Variants in CATSPERE observed in about 807,000 individuals in gnomAD.
The protein encoded by CATSPERE is cation channel sperm-associated auxiliary subunit epsilon.
In CATSPERE, 93 loss-of-function variants were observed where a neutral mutation model predicts 114.1. The ratio of observed to expected loss-of-function variants is 0.81; its 90% CI spans 0.69 to 0.97. CATSPERE has a LOEUF of 0.97. CATSPERE is among the 50% of genes least tolerant of loss of function. The pLI, the probability that CATSPERE is intolerant of heterozygous loss-of-function variation, is 0.00. For synonymous variants in CATSPERE, 341 were observed against 384.1 expected, an observed-to-expected ratio of 0.89 and a Z score of 1.31; for missense variants, 1,058 against 1,131.6, an observed-to-expected ratio of 0.93 and a Z score of 0.93.
chr1:244,500,324 G>T (rs1004495007), intron 7 of CATSPERE, among the ~76,000 whole-genome samples: 1 of 152,022 alleles, frequency 6.6e-6, no homozygotes, highest in Non-Finnish European at 1.5e-5. Flanking sequence ...AGTTTCTTTT[G>T]CTCCGCAGAA....
At chr1:244,638,820 A>G (rs1249809243) in intron 21 of CATSPERE, among the ~76,000 whole-genome samples, 2 of 152,180 alleles carry the variant, frequency 1.3e-5, no homozygotes, top group Non-Finnish European at 2.9e-5. Context: ...TATAACTTCT[A>G]CATGTATCTT....
At chr1:244,510,864 A>T (rs1675631567) in intron 7 of CATSPERE, among the ~76,000 whole-genome samples, 2 of 54,840 alleles carry the variant, frequency 3.6e-5, no homozygotes, top group East Asian at 4.4e-4. Flanking sequence ...TTTTTTTGAG[A>T]CAGAATTTCG....
At chr1:244,592,833 A>G (rs1398593358) in intron 15 of CATSPERE, among the ~76,000 whole-genome samples, 1 of 152,222 alleles carries the variant, frequency 6.6e-6, no homozygotes, top group Non-Finnish European at 1.5e-5. Flanking sequence ...TGTCCCCTGC[A>G]ACGTGGTAAC....
intron 10 of CATSPERE, 39 bp from the exon 11 acceptor site, chr1:244,572,290 TG>T: frequency 2.0e-6 from 2 of 978,474 alleles, no homozygotes; most frequent in Non-Finnish European, 3.0e-6. Context: ...GCACGATTTA[TG>T]GTTACTTAGA....
intron 7 of CATSPERE, among the ~76,000 whole-genome samples, chr1:244,512,656 C>CTTGCACAGATACCAA (rs1212957125): frequency 6.6e-6 from 1 of 152,060 alleles, no homozygotes. Flanking sequence ...TTTCTTGTGT[C>CTTGCACAGATACCAA]TTGCACAGAT....
At chr1:244,621,015 TA>T (rs1672029673) in intron 20 of CATSPERE, among the ~76,000 whole-genome samples, 1 of 111,158 alleles carries the variant, frequency 9.0e-6, no homozygotes, top group East Asian at 2.3e-4. Flanking sequence ...TATATATATA[TA>T]AAATATATAT....
chr1:244,610,754 C>CTTT (rs56253016), intron 19 of CATSPERE, among the ~76,000 whole-genome samples: 6,811 of 136,320 alleles, frequency 0.05, 578 homozygotes, highest in African/African-American at 0.18. Flanking sequence ...ATTTTCTTTC[C>CTTT]TTTTTTTTTT....
intron 10 of CATSPERE, among the ~76,000 whole-genome samples, chr1:244,569,400 T>A (rs1464894494): frequency 6.6e-6 from 1 of 152,210 alleles, no homozygotes; most frequent in African/African-American, 2.4e-5. Flanking sequence ...AACTCCCCCT[T>A]TTCTGTGAAT....
upstream of CATSPERE, among the ~76,000 whole-genome samples, chr1:244,452,658 T>C (rs527745424): frequency 5.9e-5 from 9 of 152,364 alleles, no homozygotes; most frequent in East Asian, 1.7e-3. Flanking sequence ...CATGCACTTC[T>C]TTATTTTTTA....
chr1:244,452,038 G>C (rs1046612461), upstream of CATSPERE: 9 of 399,276 alleles, frequency 2.3e-5, no homozygotes, highest in South Asian at 4.9e-4. Flanking sequence ...GGCCGGCCTC[G>C]GCAGCACCGC....
intron 8 of CATSPERE, among the ~76,000 whole-genome samples, chr1:244,524,582 C>T (rs888294937): frequency 3.2e-4 from 48 of 152,020 alleles, no homozygotes; most frequent in African/African-American, 9.9e-4. Flanking sequence ...TTTTCACAAC[C>T]TACTCATCTG....
chr1:244,461,321 C>A lies in CATSPERE; in HGVS notation c.-109C>A. 2 of 955,094 alleles carry A rather than the reference C, an allele frequency of 2.1e-6. No individual in the cohort carries two copies. Among genetic ancestry groups the A allele is most frequent in the Non-Finnish European group, 2.8e-6 (2 of 722,394 alleles). 59.2% of individuals were successfully genotyped at this position (955,094 alleles called of 1,614,324 possible). ...AGGCCCGGCCCGCCCTGTCCAGAGGCGCCGGGACCCAGGCGCCTGCAGCCG... is the reference window on the plus strand; with the variant it reads ...AGGCCCGGCCCGCCCTGTCCAGAGGAGCCGGGACCCAGGCGCCTGCAGCCG... On this transcript the variant is annotated 5_prime_UTR_variant, in exon 1 of 22. Coordinates refer to ENST00000366534, the MANE Select transcript of CATSPERE (RefSeq NM_001130957.2).
At chr1:244,520,052 T>C (rs370382767) in intron 8 of CATSPERE, among the ~76,000 whole-genome samples, 5 of 152,332 alleles carry the variant, frequency 3.3e-5, no homozygotes, top group Admixed American at 6.5e-5. Context: ...TTATCAAACA[T>C]GATTTACAAG....
chr1:244,602,402 A>T (rs1369322962), intron 17 of CATSPERE, among the ~76,000 whole-genome samples: 1 of 152,190 alleles, frequency 6.6e-6, no homozygotes, highest in Non-Finnish European at 1.5e-5. Context: ...AGCTTTGAGA[A>T]TCAGCGGCAG....
At chr1:244,576,664 A>T (rs1202459542) in intron 11 of CATSPERE, among the ~76,000 whole-genome samples, 6 of 152,054 alleles carry the variant, frequency 3.9e-5, no homozygotes, top group Non-Finnish European at 2.9e-5. Context: ...AATTAATATC[A>T]TAATGTGAGC....
intron 7 of CATSPERE, among the ~76,000 whole-genome samples, chr1:244,508,193 A>G (rs1378478665): frequency 6.6e-6 from 1 of 151,646 alleles, no homozygotes; most frequent in African/African-American, 2.4e-5. Flanking sequence ...ACTTCCTGAA[A>G]TTTATTCCTA....
intron 8 of CATSPERE, among the ~76,000 whole-genome samples, chr1:244,530,241 C>T (rs191600462): frequency 7.6e-4 from 116 of 152,188 alleles, no homozygotes; most frequent in African/African-American, 2.6e-3. Context: ...TGAACCACTG[C>T]GCCCAGCCCC....
chr1:244,499,019 A>G lies in CATSPERE; in HGVS notation c.369A>G (p.Ala123=), dbSNP rs771192606. Residue 123 remains alanine (A), a synonymous_variant, in exon 7 of 22, where the codon GCA becomes GCG. Transcript: ENST00000366534. ...TTTTCTAGCTTATCACTGTGTGGGC[A>G]TATGATCCAGAAAGTGCAGATCCTG... is the stretch of plus-strand genomic sequence containing the variant. The part of the protein sequence containing the change: ...NNFTQLITVW[A]YDPESADPDE... The G allele has an allele frequency of 2.0e-5, 32 of 1,612,660 alleles. No individual in the cohort carries two copies. Among genetic ancestry groups the G allele is most frequent in the Non-Finnish European group, 2.5e-5 (30 of 1,178,828 alleles).
chr1:244,599,203 A>T (rs1668838236), intron 17 of CATSPERE, among the ~76,000 whole-genome samples: 1 of 152,216 alleles, frequency 6.6e-6, no homozygotes, highest in Admixed American at 6.5e-5. Context: ...AATCAGATAC[A>T]GTTCCTGAAC....
Sources: allele counts gnomAD v4.1 joint callset (sites outside exome capture counted in the v4.1 genomes callset), GRCh38; gene constraint gnomAD v4.1.1; transcripts MANE v1.5; gene names NCBI Gene and HGNC (gene_info 2026-07-23, HGNC 2026-07-21).